Variants in MUSK observed in about 807,000 individuals in gnomAD.
MUSK encodes the protein muscle associated receptor tyrosine kinase.
MUSK carries 55 observed loss-of-function variants against 88.7 expected under a neutral mutation model. That is an observed-to-expected ratio of 0.62 (90% CI 0.50 to 0.78). MUSK has a LOEUF of 0.78. Among genes scored for constraint, MUSK ranks in the 30% least tolerant of loss-of-function variants. The pLI, the probability that MUSK is intolerant of heterozygous loss-of-function variation, is 0.00. For synonymous variants in MUSK, 387 were observed against 391.9 expected (o/e 0.99, Z 0.15); for missense variants, 1,015 against 1,074.3 (o/e 0.94, Z 0.77).
intron 5 of MUSK, among the ~76,000 whole-genome samples, chr9:110,703,001 GA>G (rs1438894087): frequency 6.6e-6 from 1 of 151,412 alleles, no homozygotes; most frequent in African/African-American, 2.4e-5. Context: ...AATTTAACAA[GA>G]AAAAAAAGCT....
intron 5 of MUSK, among the ~76,000 whole-genome samples, chr9:110,733,854 G>A (rs1053424667): frequency 1.3e-5 from 2 of 152,082 alleles, no homozygotes; most frequent in Non-Finnish European, 2.9e-5. Flanking sequence ...AGACAATAAT[G>A]TAGGCTGATG....
At chr9:110,755,824 G>T (rs1020984572) in intron 7 of MUSK, among the ~76,000 whole-genome samples, 1 of 150,896 alleles carries the variant, frequency 6.6e-6, no homozygotes, top group Non-Finnish European at 1.5e-5. Context: ...TTCCTAAATG[G>T]AATATGTTTT....
At chr9:110,686,809 CTA>C (rs1458368629) in intron 2 of MUSK, among the ~76,000 whole-genome samples, 1 of 152,082 alleles carries the variant, frequency 6.6e-6, no homozygotes, top group Non-Finnish European at 1.5e-5. Context: ...GAGAAGACAC[CTA>C]TGTCTTGGTT....
chr9:110,734,279 A>T lies in MUSK; in HGVS notation c.657A>T (p.Glu219Asp), dbSNP rs776278426. 1.9e-6 allele frequency: 3 copies of T among 1,613,014 alleles called. No individual in the cohort carries two copies. In the South Asian group the frequency reaches 3.3e-5, roughly 18 times the overall value. ...EVFARILRAP[E>D]SHNVTFGSFV... The stretch of plus-strand genomic sequence containing the variant: ...TTGCCAGGATCCTGCGGGCTCCTGA[A>T]TCCCACAATGTCACCTTTGGCTCCT... The change falls in exon 6 of 15, where the codon GAA (glutamate) becomes GAT (aspartate). Residue 219 changes from glutamate to aspartate, a missense_variant. Physicochemically the swap from Glu to Asp is conservative, Grantham distance 45. Coordinates refer to ENST00000374448, the MANE Select transcript of MUSK (RefSeq NM_005592.4).
At chr9:110,791,072 G>T (rs990839773) in intron 14 of MUSK, among the ~76,000 whole-genome samples, 3 of 151,626 alleles carry the variant, frequency 2.0e-5, no homozygotes, top group Admixed American at 2.0e-4. Context: ...TTAAAAGGGG[G>T]TAGGATCAAT....
In MUSK at chr9:110,800,866, G is replaced by T; in HGVS notation, c.2488G>T (p.Glu830Ter). ...CTCCTGCCCTGAGAACTGCCCCGTG[G>T]AGCTGTACAATCTCATGCGTCTATG... is the stretch of plus-strand genomic sequence containing the variant. ...ILSCPENCPV[E>*]LYNLMRLCWS... is the part of the protein sequence containing the mutation. Residue 830 changes from glutamate to a stop codon, truncating the protein, a stop_gained, in exon 15 of 15, where the codon GAG becomes TAG. Coordinates refer to ENST00000374448, the MANE Select transcript of MUSK (RefSeq NM_005592.4). LOFTEE classifies it high-confidence loss of function. 6.3e-7 allele frequency: 1 copy of T among 1,598,362 alleles called. No homozygotes were observed. The highest frequency in any genetic ancestry group is 2.2e-5 in the East Asian group (1 of 44,698).
chr9:110,716,246 C>T (rs2076742156), intron 5 of MUSK, among the ~76,000 whole-genome samples: 1 of 149,944 alleles, frequency 6.7e-6, no homozygotes, highest in South Asian at 2.1e-4. Context: ...CTTCAGAAAA[C>T]AGTCTACTTT....
In MUSK at chr9:110,695,501, T is replaced by A. The variant is rs1363853082; in HGVS notation, c.457T>A (p.Ser153Thr). 8.3e-6 allele frequency: 13 copies of A among 1,567,388 alleles called. No homozygotes were observed. Among genetic ancestry groups the A allele is most frequent in the Non-Finnish European group, 9.5e-6 (11 of 1,153,290 alleles). ...AATGGGTAATCCCAAACCATCAGTG[T>A]CTTGGATAAAGGGAGACAGCCCTCT... ...TTMGNPKPSV[S>T]WIKGDSPLRE... Residue 153 changes from serine to threonine, a missense_variant, in exon 4 of 15, where the codon TCT (serine) becomes ACT (threonine). Transcript: ENST00000374448.
Position 110,695,525 on chromosome 9 carries a change from C to T in MUSK, c.481C>T (p.Leu161Phe), listed in dbSNP as rs1311636142. ...GTCTTGGATAAAGGGAGACAGCCCTCTCAGGGTAAGTGGTTATGATGTTAA... is the reference window on the plus strand; with the variant it reads ...GTCTTGGATAAAGGGAGACAGCCCTTTCAGGGTAAGTGGTTATGATGTTAA... ...SVSWIKGDSP[L>F]RENSRIAVLE... Residue 161 changes from leucine (L) to phenylalanine (F), a missense_variant, in exon 4 of 15, where the codon CTC (leucine) becomes TTC (phenylalanine). Leu to Phe is a conservative substitution (Grantham distance 22). Transcript: ENST00000374448. 1.8e-5 allele frequency: 28 copies of T among 1,554,896 alleles called. No individual in the cohort carries two copies. In the Admixed American group the frequency reaches 4.6e-4, roughly 26 times the overall value.
intron 10 of MUSK, 79 bp downstream of exon 10, chr9:110,776,042 C>A: frequency 1.4e-6 from 2 of 1,443,202 alleles, no homozygotes; most frequent in Non-Finnish European, 1.9e-6. Flanking sequence ...GAACTTAAAG[C>A]TTCTAATATT....
intron 3 of MUSK, among the ~76,000 whole-genome samples, chr9:110,689,371 T>C (rs1217937402): frequency 1.7e-5 from 2 of 117,658 alleles, no homozygotes; most frequent in African/African-American, 3.5e-5. Flanking sequence ...TACATATTTA[T>C]ATATATGTAA....
intron 6 of MUSK, among the ~76,000 whole-genome samples, chr9:110,744,577 T>C (rs1215438433): frequency 6.6e-6 from 1 of 151,996 alleles, no homozygotes; most frequent in Non-Finnish European, 1.5e-5. Flanking sequence ...TGCCTCTTTT[T>C]AGAAAAAAAA....
In MUSK at chr9:110,689,709, A is replaced by ATATTTTATATATAAATAT. The variant is rs1259002278; in HGVS notation, c.358+2441_358+2442insTATTTTATATATAAATAT. ...TATATATAGTTATATATAAATATAT[A>ATATTTTATATATAAATAT]ACTATATATGTTATATATAGTTTAT... is the stretch of plus-strand genomic sequence containing the variant. On this transcript the variant is annotated intron_variant, in intron 3 of 14. Transcript: ENST00000374448. 1.7e-3 allele frequency among the ~76,000 whole-genome samples: 95 copies of ATATTTTATATATAAATAT among 55,290 alleles called. 3 individuals carry two copies. The highest frequency in any genetic ancestry group is 1.9e-3 in the Non-Finnish European group (62 of 31,972). The allele number at this position is 55,290 out of a possible 152,430, so 36.3% of individuals were successfully genotyped here. A position where few individuals can be genotyped will look rare whatever the true frequency, so the allele number is the denominator to read the frequency against.
intron 7 of MUSK, among the ~76,000 whole-genome samples, chr9:110,757,131 G>A (rs2077335764): frequency 6.6e-6 from 1 of 152,114 alleles, no homozygotes; most frequent in East Asian, 1.9e-4. Context: ...TTAGCCTGAT[G>A]ACTATTGCAT....
chr9:110,800,457 G>GC lies in MUSK; in HGVS notation c.2084dup (p.Pro696ThrfsTer6). 6.2e-7 allele frequency: 1 copy of GC among 1,613,846 alleles called. No individual in the cohort carries two copies. Among genetic ancestry groups the GC allele is most frequent in the South Asian group, 1.1e-5 (1 of 91,052 alleles). The stretch of plus-strand genomic sequence containing the variant: ...TGAGGGCTCAGGTCTCCAGCCCTGG[G>GC]CCCCCACCCCTCTCCTGTGCTGAGC... On this transcript the variant is annotated frameshift_variant, in exon 15 of 15. Coordinates refer to ENST00000374448, the MANE Select transcript of MUSK (RefSeq NM_005592.4). LOFTEE classifies it high-confidence loss of function.
At chr9:110,779,444 A>T (rs2077719572) in intron 11 of MUSK, among the ~76,000 whole-genome samples, 1 of 152,118 alleles carries the variant, frequency 6.6e-6, no homozygotes. Flanking sequence ...ACAGGCACTC[A>T]ATCTCTCTGT....
At position 110,784,929 on chromosome 9, in the gene MUSK, T is replaced by A. The variant is rs534659328; in HGVS notation, c.1499T>A (p.Ile500Asn). The A allele has an allele frequency of 1.9e-6, 3 of 1,613,912 alleles. No homozygotes were observed. Among genetic ancestry groups the A allele is most frequent in the African/African-American group, 2.7e-5 (2 of 75,060 alleles). The stretch of plus-strand genomic sequence containing the variant: ...TACTCCATGACTGTAATAATCTCCA[T>A]CATGTCCAGCTTTGCAATATTTGTG... ...PTYSMTVIIS[I>N]MSSFAIFVLL... Residue 500 changes from isoleucine (I) to asparagine (N), a missense_variant, in exon 12 of 15, where the codon ATC becomes AAC. By Grantham distance (149) the Ile-to-Asn change is moderately radical. Transcript: ENST00000374448.
intron 13 of MUSK, among the ~76,000 whole-genome samples, chr9:110,785,958 T>C (rs1231649914): frequency 2.7e-5 from 4 of 148,864 alleles, no homozygotes; most frequent in African/African-American, 4.9e-5. Flanking sequence ...ATAGTATTAA[T>C]ACAATATTAT....
At chr9:110,690,434 CAAT>C (rs1564220126) in intron 3 of MUSK, among the ~76,000 whole-genome samples, 38 of 39,602 alleles carry the variant, frequency 9.6e-4, no homozygotes, top group African/African-American at 5.2e-3. Context: ...ATATATATTT[CAAT>C]ATAAGTATAT....
Sources: gnomAD v4.1 joint callset for allele counts (sites outside exome capture counted in the v4.1 genomes callset) on GRCh38, gnomAD v4.1.1 for gene constraint, MANE v1.5 for transcripts, NCBI Gene and HGNC (gene_info 2026-07-23, HGNC 2026-07-21) for gene names.